Variants in DDX60L observed in about 807,000 individuals in gnomAD.
DDX60L encodes probable ATP-dependent RNA helicase DDX60-like.
DDX60L carries 191 observed loss-of-function variants against 211.6 expected under a neutral mutation model. The ratio of observed to expected loss-of-function variants is 0.90; its 90% CI spans 0.80 to 1.02. The LOEUF (loss-of-function observed/expected upper bound fraction) is 1.02. Among genes scored for constraint, DDX60L ranks in the 50% least tolerant of loss-of-function variants. The pLI is 0.00. For missense variants in DDX60L, 2,007 were observed against 1,984.1 expected, an observed-to-expected ratio of 1.01 and a Z score of -0.22; for synonymous variants, 706 against 694.1, an observed-to-expected ratio of 1.02 and a Z score of -0.27.
At position 168,437,840 on chromosome 4, in the gene DDX60L, C is replaced by T. The variant is rs180949051; in HGVS notation, c.1294+3497G>A. ...CAGACTCCTGGTCTTCACTTAAACC[C>T]TTCGGCTGACTCCATGGGGTTTTTT... On this transcript the variant is annotated intron_variant, in intron 10 of 37. Transcript: ENST00000682922. 8.1e-5 allele frequency among the ~76,000 whole-genome samples: 12 copies of T among 148,084 alleles called. No individual in the cohort carries two copies. The East Asian group carries it at 2.3e-3, about 28-fold the overall frequency.
intron 5 of DDX60L, among the ~76,000 whole-genome samples, chr4:168,459,470 G>A (rs1757013444): frequency 6.6e-6 from 1 of 152,076 alleles, no homozygotes; most frequent in African/African-American, 2.4e-5. Context: ...AAAGTCTAGA[G>A]GCCAGGCACA....
chr4:168,477,170 C>T (rs1759632935), intron 1 of DDX60L, among the ~76,000 whole-genome samples: 1 of 152,142 alleles, frequency 6.6e-6, no homozygotes, highest in Admixed American at 6.5e-5. Context: ...AATCCCAGCA[C>T]TTTGGGAGGC....
At chr4:168,368,421 CAGA>C (rs1290616598) in intron 36 of DDX60L, among the ~76,000 whole-genome samples, 1 of 152,234 alleles carries the variant, frequency 6.6e-6, no homozygotes, top group Non-Finnish European at 1.5e-5. Context: ...GCCTAGATTT[CAGA>C]AGATGTATGG....
rs1035962811 is a variant in DDX60L, at chr4:168,394,423, T to C, written c.3810+42A>G. On this transcript the variant is annotated intron_variant, in intron 28 of 37. Transcript: ENST00000682922. ...CTTTTAGTGGTATTCAGCATCATAA[T>C]ATGCACAACTTTATTTTTTAAATGC... 1.8e-5 allele frequency: 26 copies of C among 1,440,122 alleles called. No homozygotes were observed. The East Asian group carries it at 5.8e-4, about 32-fold the overall frequency. The allele number at this position is 1,440,122 out of a possible 1,614,324, so 89.2% of individuals were successfully genotyped here.
rs768939262 is a variant in DDX60L at position 168,471,745 on chromosome 4, A to G, written c.264+2T>C. The G allele has an allele frequency of 6.3e-7, 1 of 1,589,338 alleles. No homozygotes were observed. Among genetic ancestry groups the G allele is most frequent in the Non-Finnish European group, 8.5e-7 (1 of 1,173,210 alleles). On this transcript the variant is annotated splice_donor_variant, in intron 4 of 37. Transcript: ENST00000682922. LOFTEE classifies it high-confidence loss of function. ...AAAACGACATCAATCATCATATATT[A>G]CCTTAAAGAAAACTATGGTGAATTG...
intron 29 of DDX60L, among the ~76,000 whole-genome samples, chr4:168,386,700 G>A (rs867934727): frequency 6.6e-6 from 1 of 151,620 alleles, no homozygotes; most frequent in Admixed American, 6.6e-5. Flanking sequence ...TCAAAGTCAC[G>A]TCCCCAAGGG....
At chr4:168,465,480 C>T (rs192154784) in intron 4 of DDX60L, among the ~76,000 whole-genome samples, 19 of 152,086 alleles carry the variant, frequency 1.2e-4, no homozygotes, top group South Asian at 2.1e-4. Context: ...CTTTCCTGTG[C>T]GGAAACTTTT....
chr4:168,472,653 A>G, intron 2 of DDX60L, 43 bp downstream of exon 2: 1 of 1,609,670 alleles, frequency 6.2e-7, no homozygotes, highest in Non-Finnish European at 8.5e-7. Flanking sequence ...ATCTTACAAG[A>G]TTGTTGCTTT....
Position 168,449,297 on chromosome 4 carries a change from G to A in DDX60L, c.997-518C>T, listed in dbSNP as rs541143252. 6.5e-3 allele frequency among the ~76,000 whole-genome samples: 983 copies of A among 151,554 alleles called. 14 individuals are homozygous for A. The highest frequency in any genetic ancestry group is 0.02 in the African/African-American group (811 of 41,246). On this transcript the variant is annotated intron_variant, in intron 8 of 37. Coordinates refer to ENST00000682922, the MANE Select transcript of DDX60L (RefSeq NM_001012967.3). ...ATACTATGCAGCCATAAAAAATGAT[G>A]AGTTCATGTCCTTTGTAGGGACATG...
At chr4:168,423,386 C>G (rs1346623750) in intron 15 of DDX60L, among the ~76,000 whole-genome samples, 2 of 152,014 alleles carry the variant, frequency 1.3e-5, no homozygotes, top group African/African-American at 4.8e-5. Flanking sequence ...TTTCTGTTTT[C>G]AGGAAGCATC....
chr4:168,368,513 G>A (rs1740395558), intron 36 of DDX60L, among the ~76,000 whole-genome samples: 1 of 152,246 alleles, frequency 6.6e-6, no homozygotes, highest in Non-Finnish European at 1.5e-5. Context: ...CAGTGAAGAA[G>A]GAAAATGTGG....
Position 168,384,612 on chromosome 4 carries a change from C to A in DDX60L, c.4116G>T (p.Lys1372Asn). ...CCTCAGGCAGTGTCCAGCACGGTAC[C>A]TTTGCCTTGGCATCCTCTGGGTCAT... The part of the protein sequence containing the change: ...KGDDPEDAKA[K>N]VLSVLKHSLL... Residue 1372 changes from lysine (K) to asparagine (N), a missense_variant and splice_region_variant, in exon 30 of 38, where the codon AAG becomes AAT. Physicochemically the swap from Lys to Asn is moderately conservative, Grantham distance 94. Transcript: ENST00000682922. The A allele has an allele frequency of 6.2e-7, 1 of 1,613,830 alleles. No homozygotes were observed. The highest frequency in any genetic ancestry group is 8.5e-7 in the Non-Finnish European group (1 of 1,179,926).
chr4:168,380,395 A>G (rs1742724137), intron 30 of DDX60L: 1 of 152,360 alleles, frequency 6.6e-6, no homozygotes. Flanking sequence ...GTGAGTTATC[A>G]TGAGATCTGG....
intron 26 of DDX60L, 86 bp from the exon 27 acceptor site, chr4:168,396,210 C>T (rs1745758699): frequency 3.8e-6 from 3 of 787,204 alleles, no homozygotes; most frequent in Non-Finnish European, 5.7e-6. Flanking sequence ...CACAGATTTC[C>T]CTTGGTCATC....
intron 26 of DDX60L, among the ~76,000 whole-genome samples, chr4:168,396,528 A>T (rs1440030647): frequency 6.6e-6 from 1 of 152,098 alleles, no homozygotes; most frequent in South Asian, 2.1e-4. Context: ...TCTTATGAAG[A>T]GGGTTCCAGA....
At chr4:168,438,494 A>G (rs1209146374) in intron 10 of DDX60L, among the ~76,000 whole-genome samples, 2 of 152,230 alleles carry the variant, frequency 1.3e-5, no homozygotes, top group Non-Finnish European at 2.9e-5. Context: ...AGTCACCCAT[A>G]TTAGCTAAGA....
At chr4:168,358,705 C>T (rs1412798556) in intron 37 of DDX60L, among the ~76,000 whole-genome samples, 5 of 151,232 alleles carry the variant, frequency 3.3e-5, no homozygotes, top group Admixed American at 1.3e-4. Context: ...TTTTTAGTAG[C>T]GACAGGGTTT....
At chr4:168,447,459 T>C (rs1754991275) in intron 9 of DDX60L, among the ~76,000 whole-genome samples, 6 of 151,778 alleles carry the variant, frequency 4.0e-5, no homozygotes, top group African/African-American at 1.4e-4. Flanking sequence ...TCAACCATTG[T>C]GGAAGTCAGT....
chr4:168,478,393 C>A (rs572879124), intron 1 of DDX60L, among the ~76,000 whole-genome samples: 2 of 152,112 alleles, frequency 1.3e-5, no homozygotes, highest in Non-Finnish European at 2.9e-5. Flanking sequence ...GTGTAATTAA[C>A]GGCATAGGGA....
Sources: gnomAD v4.1 joint callset for allele counts (sites outside exome capture counted in the v4.1 genomes callset) on GRCh38, gnomAD v4.1.1 for gene constraint, MANE v1.5 for transcripts, NCBI Gene and HGNC (gene_info 2026-07-23, HGNC 2026-07-21) for gene names.